Variants in RALGPS1 observed in about 807,000 individuals in gnomAD.
RALGPS1 encodes the protein ras-specific guanine nucleotide-releasing factor RalGPS1.
In RALGPS1, 19 loss-of-function variants were observed where a neutral mutation model predicts 78.8. That is an observed-to-expected ratio of 0.24 (90% CI 0.17 to 0.35). The LOEUF is 0.35. RALGPS1 is among the 10% of genes least tolerant of loss of function. The pLI is 1.00. For synonymous variants in RALGPS1, 228 were observed against 256.3 expected (o/e 0.89, Z 1.06); for missense variants, 454 against 688.3 (o/e 0.66, Z 3.81).
At chr9:127,108,478 T>C (rs377330474) in intron 8 of RALGPS1, 3 of 1,612,520 alleles carry the variant, frequency 1.9e-6, no homozygotes, top group African/African-American at 1.3e-5. Context: ...CTCCTGCTTA[T>C]GCACTCGGTT....
At chr9:127,140,390 C>T (rs1351330601) in intron 8 of RALGPS1, among the ~76,000 whole-genome samples, 3 of 152,206 alleles carry the variant, frequency 2.0e-5, no homozygotes, top group Non-Finnish European at 2.9e-5. Flanking sequence ...GGGATGTACC[C>T]AGGGGCCAAC....
chr9:127,046,521 C>T (rs532120954), intron 5 of RALGPS1, among the ~76,000 whole-genome samples: 36 of 152,064 alleles, frequency 2.4e-4, no homozygotes, highest in African/African-American at 8.2e-4. Flanking sequence ...ATTTCGATTC[C>T]TCCAAACAAT....
At chr9:127,147,192 G>A (rs2058143825) in intron 8 of RALGPS1, among the ~76,000 whole-genome samples, 1 of 152,130 alleles carries the variant, frequency 6.6e-6, no homozygotes, top group African/African-American at 2.4e-5. Context: ...AGAAGTGTCT[G>A]TTCATGTCTT....
At chr9:127,067,324 A>C (rs1415762721) in intron 7 of RALGPS1, among the ~76,000 whole-genome samples, 1 of 152,236 alleles carries the variant, frequency 6.6e-6, no homozygotes, top group Non-Finnish European at 1.5e-5. Context: ...CAACTTCTTC[A>C]GCACCAGAAC....
At chr9:127,178,487 G>A in intron 11 of RALGPS1, 1 of 990,150 alleles carries the variant, frequency 1.0e-6, no homozygotes, top group South Asian at 4.6e-5. Flanking sequence ...GGTGGAACTT[G>A]ATCATGGTGA....
At chr9:127,171,186 A>G (rs1445101928) in intron 10 of RALGPS1, among the ~76,000 whole-genome samples, 2 of 152,224 alleles carry the variant, frequency 1.3e-5, no homozygotes, top group Admixed American at 6.5e-5. Flanking sequence ...CCTAGAAAGC[A>G]TGACCATTAG....
intron 5 of RALGPS1, among the ~76,000 whole-genome samples, chr9:127,045,774 C>T (rs972414661): frequency 2.0e-5 from 3 of 150,010 alleles, no homozygotes; most frequent in African/African-American, 7.4e-5. Flanking sequence ...CACACACACA[C>T]ACACACACAC....
Position 126,915,261 on chromosome 9 carries a change from G to A in RALGPS1, c.-66+286G>A, listed in dbSNP as rs868677002. On this transcript the variant is annotated intron_variant, in intron 1 of 18. Coordinates refer to ENST00000259351, the MANE Select transcript of RALGPS1 (RefSeq NM_014636.3). ...GGAGCGTGAAGGACGGCGGGGAAGA[G>A]GCGCGGGCGCGGGGGGCGGGGCCGG... 8.4e-3 allele frequency among the ~76,000 whole-genome samples: 1,180 copies of A among 141,072 alleles called. 16 individuals carry two copies. The highest frequency in any genetic ancestry group is 0.029 in the African/African-American group (1,111 of 38,630). The allele number at this position is 141,072 out of a possible 152,430, so 92.5% of individuals were successfully genotyped here.
chr9:127,182,379 T>TCCCTCCCC (rs2060307214), intron 11 of RALGPS1, among the ~76,000 whole-genome samples: 1 of 30,694 alleles, frequency 3.3e-5, no homozygotes, highest in Non-Finnish European at 8.1e-5. Context: ...CCTCCCTCCC[T>TCCCTCCCC]CCCTCCCTCC....
intron 8 of RALGPS1, among the ~76,000 whole-genome samples, chr9:127,100,745 C>T (rs987795533): frequency 4.6e-5 from 7 of 152,214 alleles, no homozygotes; most frequent in African/African-American, 1.7e-4. Context: ...CCCATGACTA[C>T]AATCCACAGA....
chr9:126,959,061 CTTCTTT>C (rs1485567462), intron 1 of RALGPS1, among the ~76,000 whole-genome samples: 1 of 147,612 alleles, frequency 6.8e-6, no homozygotes, highest in African/African-American at 2.5e-5. Context: ...GTATCTTCTT[CTTCTTT>C]TTTTTTTTTT....
intron 8 of RALGPS1, among the ~76,000 whole-genome samples, chr9:127,118,944 GA>G (rs2055748349): frequency 6.6e-6 from 1 of 152,240 alleles, no homozygotes. Context: ...CAGTGTGGGT[GA>G]TGAGGACCTG....
chr9:126,919,669 A>G (rs1314634009), intron 1 of RALGPS1, among the ~76,000 whole-genome samples: 1 of 152,242 alleles, frequency 6.6e-6, no homozygotes. Flanking sequence ...ATAGCAGGTC[A>G]TAGTAGGTGC....
chr9:127,002,035 A>G (rs958991884), intron 4 of RALGPS1, among the ~76,000 whole-genome samples: 4 of 152,206 alleles, frequency 2.6e-5, no homozygotes, highest in South Asian at 2.1e-4. Flanking sequence ...CTATAACTCA[A>G]TGCATTTTTA....
intron 8 of RALGPS1, among the ~76,000 whole-genome samples, chr9:127,138,201 A>G (rs961054746): frequency 6.6e-6 from 1 of 152,174 alleles, no homozygotes; most frequent in African/African-American, 2.4e-5. Context: ...TAGCATTCCA[A>G]TCTCTGGAAT....
At chr9:126,963,205 G>C (rs923467185) in intron 2 of RALGPS1, among the ~76,000 whole-genome samples, 1 of 152,136 alleles carries the variant, frequency 6.6e-6, no homozygotes, top group Non-Finnish European at 1.5e-5. Flanking sequence ...TGTGTTTGGG[G>C]CAGATACAAT....
In RALGPS1 at chr9:127,181,921, G is replaced by A. The variant is rs114802822; in HGVS notation, c.910+7139G>A. 4.0e-3 allele frequency among the ~76,000 whole-genome samples: 613 copies of A among 152,022 alleles called. 4 individuals carry two copies. The highest frequency in any genetic ancestry group is 0.014 in the African/African-American group (588 of 41,430). On this transcript the variant is annotated intron_variant, in intron 11 of 18. Transcript: ENST00000259351. ...GGAGACTCAAGAACAAAGGAGATGT[G>A]AAATCCCAGAATAATGGGCCACAAC...
At chr9:127,049,675 C>G (rs1211265921) in intron 5 of RALGPS1, among the ~76,000 whole-genome samples, 2 of 152,208 alleles carry the variant, frequency 1.3e-5, no homozygotes, top group Non-Finnish European at 2.9e-5. Flanking sequence ...CACCCATCAT[C>G]TATGATCTCC....
intron 1 of RALGPS1, among the ~76,000 whole-genome samples, chr9:126,926,714 GA>G (rs1340719675): frequency 3.3e-5 from 5 of 152,156 alleles, no homozygotes; most frequent in African/African-American, 7.2e-5. Context: ...ATGATGGTGT[GA>G]AAGGGGACTA....
Sources: allele counts gnomAD v4.1 joint callset (sites outside exome capture counted in the v4.1 genomes callset), GRCh38; gene constraint gnomAD v4.1.1; transcripts MANE v1.5; gene names NCBI Gene and HGNC (gene_info 2026-07-23, HGNC 2026-07-21).